The following NUP93 variants were observed in gnomAD, a reference collection of about 807,000 sequenced individuals.
NUP93 encodes nucleoporin 93.
A neutral mutation model predicts 107.8 loss-of-function variants in NUP93; 55 were observed. The ratio of observed to expected loss-of-function variants is 0.51; its 90% confidence interval spans 0.41 to 0.64. The LOEUF (loss-of-function observed/expected upper bound fraction) is 0.64. Ranked by LOEUF, NUP93 falls within the 30% of genes least tolerant of loss-of-function variation. The pLI, the probability that NUP93 is intolerant of heterozygous loss-of-function variation, is 0.00. For synonymous variants in NUP93, 390 were observed against 397.5 expected, an observed-to-expected ratio of 0.98 and a Z score of 0.22; for missense variants, 937 against 1,044.7, an observed-to-expected ratio of 0.90 and a Z score of 1.42.
chr16:56,815,022 A>G (rs185072032), intron 5 of NUP93, among the ~76,000 whole-genome samples: 1 of 152,364 alleles, frequency 6.6e-6, no homozygotes, highest in Non-Finnish European at 1.5e-5. Flanking sequence ...GTCAAGGGCA[A>G]CTGAAGGATA....
chr16:56,772,748 T>C (rs1567382803), intron 3 of NUP93, among the ~76,000 whole-genome samples: 1 of 152,262 alleles, frequency 6.6e-6, no homozygotes, highest in Non-Finnish European at 1.5e-5. Context: ...TCTGCTCTTG[T>C]AATATGTACC....
At chr16:56,773,691 G>A (rs995837429) in intron 3 of NUP93, among the ~76,000 whole-genome samples, 2 of 152,194 alleles carry the variant, frequency 1.3e-5, no homozygotes, top group African/African-American at 4.8e-5. Flanking sequence ...CAGAGTCTGT[G>A]TTTTAACAAG....
At chr16:56,805,033 T>C (rs1963105304) in intron 4 of NUP93, among the ~76,000 whole-genome samples, 1 of 152,090 alleles carries the variant, frequency 6.6e-6, no homozygotes, top group African/African-American at 2.4e-5. Context: ...GGAGATAAGG[T>C]CTTGCTCTGT....
chr16:56,744,864 G>C (rs1265815021), intron 1 of NUP93, among the ~76,000 whole-genome samples: 1 of 152,184 alleles, frequency 6.6e-6, no homozygotes, highest in Admixed American at 6.5e-5. Flanking sequence ...GAATGTTTCT[G>C]TTCAGATCTC....
intron 1 of NUP93, 167 bp from the exon 2 acceptor site, chr16:56,748,067 G>A (rs1483847317): frequency 4.1e-6 from 2 of 492,658 alleles, no homozygotes; most frequent in East Asian, 3.1e-5. Flanking sequence ...TCTCTGTCAG[G>A]CCTGTTCTTG....
intron 3 of NUP93, chr16:56,781,531 C>T (rs1962514353): frequency 6.6e-6 from 1 of 152,168 alleles, no homozygotes; most frequent in Admixed American, 6.5e-5. Flanking sequence ...TGTGCAAATT[C>T]CTGCTGCTCA....
intron 1 of NUP93, among the ~76,000 whole-genome samples, chr16:56,740,034 G>A (rs1268234112): frequency 1.5e-5 from 1 of 65,144 alleles, no homozygotes; most frequent in African/African-American, 7.6e-5. Flanking sequence ...GGGCAGAGGC[G>A]CCCCTCACCT....
In NUP93 at chr16:56,743,745, C is replaced by T. The variant is rs181491510; in HGVS notation, c.-14-4489C>T. 1.2e-3 allele frequency among the ~76,000 whole-genome samples: 185 copies of T among 152,250 alleles called. 4 individuals carry two copies. The highest frequency in any genetic ancestry group is 0.011 in the Admixed American group (165 of 15,294). ...CCCCTTGAAGCCTTCCTCATCCTTC[C>T]ACTTCTGTCCTTCCTCCCACAAGTG... On this transcript the variant is annotated intron_variant, in intron 1 of 21. Transcript: ENST00000308159.
chr16:56,804,672 G>A (rs534976697), intron 4 of NUP93, among the ~76,000 whole-genome samples: 14 of 152,236 alleles, frequency 9.2e-5, no homozygotes, highest in African/African-American at 2.9e-4. Context: ...ACTTTGGGAG[G>A]CCGAGGTGGG....
At chr16:56,830,217 G>C (rs565729021) in intron 9 of NUP93, among the ~76,000 whole-genome samples, 1 of 152,126 alleles carries the variant, frequency 6.6e-6, no homozygotes, top group Non-Finnish European at 1.5e-5. Flanking sequence ...AGTTACTATG[G>C]GCCCCTGGGA....
chr16:56,749,790 G>A (rs1961886096), intron 2 of NUP93, among the ~76,000 whole-genome samples: 1 of 152,196 alleles, frequency 6.6e-6, no homozygotes, highest in Non-Finnish European at 1.5e-5. Context: ...GTTGGTTTTG[G>A]TTCTGTTGGC....
chr16:56,801,570 G>A (rs1963022350), intron 4 of NUP93, among the ~76,000 whole-genome samples: 1 of 152,178 alleles, frequency 6.6e-6, no homozygotes, highest in South Asian at 2.1e-4. Context: ...CTGCCACCAT[G>A]CCCAGCTAAT....
At chr16:56,757,700 A>G (rs1440977841) in intron 2 of NUP93, among the ~76,000 whole-genome samples, 1 of 152,208 alleles carries the variant, frequency 6.6e-6, no homozygotes, top group Non-Finnish European at 1.5e-5. Context: ...CTATATTATT[A>G]GACTGGGCAG....
chr16:56,829,535 A>C (rs1038645217), intron 9 of NUP93, among the ~76,000 whole-genome samples: 20 of 152,206 alleles, frequency 1.3e-4, no homozygotes, highest in African/African-American at 4.6e-4. Flanking sequence ...CAGTAATGCA[A>C]AGCCCTAAAC....
chr16:56,749,025 GCTGA>G (rs1285828609), intron 2 of NUP93, among the ~76,000 whole-genome samples: 9 of 152,154 alleles, frequency 5.9e-5, no homozygotes, highest in South Asian at 2.1e-4. Context: ...GGGGAAAAGT[GCTGA>G]CTGACTGAGC....
intron 2 of NUP93, among the ~76,000 whole-genome samples, chr16:56,752,542 G>T (rs1407377165): frequency 6.6e-6 from 1 of 152,086 alleles, no homozygotes; most frequent in Non-Finnish European, 1.5e-5. Flanking sequence ...CATGTTCATG[G>T]ATCAGAAGAC....
chr16:56,840,954 G>A (rs1342279898), intron 20 of NUP93, among the ~76,000 whole-genome samples: 1 of 149,642 alleles, frequency 6.7e-6, no homozygotes, highest in Admixed American at 6.7e-5. Context: ...CCGAGATTGC[G>A]CCACTTCACT....
At position 56,792,084 on chromosome 16, in the gene NUP93, G is replaced by A. The variant is rs1962778543; in HGVS notation, c.298-6392G>A. Among the ~76,000 whole-genome samples the A allele has an allele frequency of 1.3e-5, 2 of 152,192 alleles. 1 individual carries two copies. Among genetic ancestry groups the A allele is most frequent in the South Asian group, 4.1e-4 (2 of 4,830 alleles). On this transcript the variant is annotated intron_variant, in intron 3 of 21. Transcript: ENST00000308159. ...AATCCCAGCTACTCCGGAGACTTAG[G>A]TGGGAGGATCACTTGAGCACAGGAG...
chr16:56,808,524 A>AAATATATAGTTATG (rs1963222826), intron 5 of NUP93, among the ~76,000 whole-genome samples: 2 of 122,198 alleles, frequency 1.6e-5, no homozygotes, highest in Admixed American at 1.7e-4. Flanking sequence ...GTAACTATAT[A>AAATATATAGTTATG]TAAATATAGT....
Sources: gnomAD v4.1 joint callset for allele counts (sites outside exome capture counted in the v4.1 genomes callset) on GRCh38, gnomAD v4.1.1 for gene constraint, MANE v1.5 for transcripts, NCBI Gene and HGNC (gene_info 2026-07-23, HGNC 2026-07-21) for gene names.